Variants in ABAT observed in about 807,000 individuals in gnomAD.
ABAT encodes 4-aminobutyrate aminotransferase.
Under a neutral mutation model 64.6 loss-of-function variants are expected in ABAT, and 45 were observed. That is an observed-to-expected ratio of 0.70 (90% CI 0.55 to 0.89). The LOEUF (loss-of-function observed/expected upper bound fraction) is 0.89, where lower values mean the gene tolerates loss of function less well. Among genes scored for constraint, ABAT ranks in the 40% least tolerant of loss-of-function variants. The pLI is 0.00. For missense variants in ABAT, 633 were observed against 658.4 expected (o/e 0.96, Z 0.42); for synonymous variants, 297 against 250.5 (o/e 1.19, Z -1.75).
At chr16:8,725,915 A>G (rs7196287) in intron 1 of ABAT, among the ~76,000 whole-genome samples, 4,862 of 152,036 alleles carry the variant, frequency 0.032, 123 homozygotes, top group African/African-American at 0.072. Flanking sequence ...GCCCTCCAAC[A>G]CACCTGCCTC....
rs1567295596 is a variant in ABAT, at chr16:8,737,980, G to A, written c.70+2171G>A. 4.5e-4 allele frequency among the ~76,000 whole-genome samples: 35 copies of A among 77,714 alleles called. 1 individual carries two copies. The highest frequency in any genetic ancestry group is 1.1e-3 in the South Asian group (2 of 1,780). The allele number at this position is 77,714 out of a possible 152,430, so 51.0% of individuals were successfully genotyped here. ...AGGAAGGAAGGAAGGAAGGAAGGAA[G>A]GAAGGAAGGAGGAAAGAAAGAAAGA... On this transcript the variant is annotated intron_variant, in intron 2 of 15. Coordinates refer to ENST00000268251, the MANE Select transcript of ABAT (RefSeq NM_020686.6).
chr16:8,757,479 C>T (rs759708818), intron 5 of ABAT, among the ~76,000 whole-genome samples: 1 of 152,000 alleles, frequency 6.6e-6, no homozygotes, highest in Admixed American at 6.6e-5. Flanking sequence ...ATTTATCTCA[C>T]CTTATGTTTA....
At chr16:8,769,650 C>T (rs2060047559) in intron 11 of ABAT, among the ~76,000 whole-genome samples, 1 of 151,414 alleles carries the variant, frequency 6.6e-6, no homozygotes, top group Non-Finnish European at 1.5e-5. Context: ...CTCTAAACCA[C>T]TGGTTTTGTC....
intron 1 of ABAT, among the ~76,000 whole-genome samples, chr16:8,687,929 C>CAAGAG (rs2057493968): frequency 6.6e-6 from 1 of 151,738 alleles, no homozygotes; most frequent in Non-Finnish European, 1.5e-5. Flanking sequence ...ACAGGGGTCT[C>CAAGAG]ACTCTGTTGC....
intron 1 of ABAT, among the ~76,000 whole-genome samples, chr16:8,687,794 C>G (rs2057490209): frequency 6.6e-6 from 1 of 152,198 alleles, no homozygotes; most frequent in Admixed American, 6.5e-5. Flanking sequence ...GATTTCTGTC[C>G]AGGCCTCAGT....
chr16:8,708,607 AT>A (rs1309253377), intron 1 of ABAT, among the ~76,000 whole-genome samples: 1 of 152,140 alleles, frequency 6.6e-6, no homozygotes, highest in Non-Finnish European at 1.5e-5. Flanking sequence ...GGCCAATCAA[AT>A]TCTTTAAAAT....
chr16:8,688,971 T>A (rs1807439), intron 1 of ABAT, among the ~76,000 whole-genome samples: 48,324 of 151,714 alleles, frequency 0.32, 8,095 homozygotes, highest in East Asian at 0.62. Flanking sequence ...TCCCAGCTAC[T>A]TGGGAGGCTG....
At chr16:8,747,405 T>C (rs757175463) in intron 3 of ABAT, among the ~76,000 whole-genome samples, 2 of 152,210 alleles carry the variant, frequency 1.3e-5, no homozygotes, top group Non-Finnish European at 2.9e-5. Flanking sequence ...ATTGTAGTTA[T>C]TTTGGATAGT....
intron 1 of ABAT, among the ~76,000 whole-genome samples, chr16:8,689,079 C>CA (rs35850996): frequency 0.055 from 4,733 of 85,720 alleles, 169 homozygotes; most frequent in African/African-American, 0.14. Flanking sequence ...GACCCTGTCT[C>CA]AAAAAAAAAA....
At chr16:8,704,725 T>C (rs2057901079) in intron 1 of ABAT, among the ~76,000 whole-genome samples, 1 of 152,216 alleles carries the variant, frequency 6.6e-6, no homozygotes, top group African/African-American at 2.4e-5. Flanking sequence ...CACTTCCCTG[T>C]CTTTTTACAC....
At chr16:8,723,536 G>T (rs147876000) in intron 1 of ABAT, among the ~76,000 whole-genome samples, 2 of 152,246 alleles carry the variant, frequency 1.3e-5, no homozygotes, top group African/African-American at 4.8e-5. Flanking sequence ...AGGGATCTCA[G>T]ACCATAGGGC....
chr16:8,766,166 C>G (rs2059937203), intron 8 of ABAT, 42 bp from the exon 9 acceptor site: 3 of 1,600,546 alleles, frequency 1.9e-6, no homozygotes, highest in Admixed American at 1.7e-5. Flanking sequence ...CCCCGACTAC[C>G]CCAGAGCATC....
rs187581750 is a variant in ABAT, at chr16:8,772,042, G to A, written c.817-738G>A. On this transcript the variant is annotated intron_variant, in intron 11 of 15. Transcript: ENST00000268251. ...AGCCACCCAAAGTGCTGGGATTGCA[G>A]GTGTGAGCCACCACACCTGGCCCTT... 1.1e-3 allele frequency among the ~76,000 whole-genome samples: 163 copies of A among 152,286 alleles called. 1 individual carries two copies. The highest frequency in any genetic ancestry group is 3.4e-3 in the Middle Eastern group (1 of 294).
chr16:8,675,837 C>T (rs758371350), intron 1 of ABAT, among the ~76,000 whole-genome samples: 5 of 152,202 alleles, frequency 3.3e-5, no homozygotes, highest in Non-Finnish European at 7.3e-5. Context: ...GGGAGGACAG[C>T]TGGCCCTCTT....
intron 3 of ABAT, among the ~76,000 whole-genome samples, chr16:8,747,663 T>C (rs966433949): frequency 2.0e-5 from 3 of 152,220 alleles, no homozygotes; most frequent in Admixed American, 6.5e-5. Context: ...TGTTTCTGTA[T>C]AGGATAAAGT....
Position 8,686,133 on chromosome 16 carries a change from G to A in ABAT, c.-42+11422G>A, listed in dbSNP as rs975490278. ...GGCAGGACAGGGCTGTTTTGTGCAC[G>A]GGAACAAAGCCTGCCTCCTCTCTCT... On this transcript the variant is annotated intron_variant, in intron 1 of 15. Transcript: ENST00000268251. 3.8e-4 allele frequency among the ~76,000 whole-genome samples: 58 copies of A among 152,338 alleles called. 1 individual carries two copies. Among genetic ancestry groups the A allele is most frequent in the Admixed American group, 3.2e-3 (49 of 15,304 alleles).
intron 1 of ABAT, among the ~76,000 whole-genome samples, chr16:8,735,070 G>A (rs2142382445): frequency 6.7e-6 from 1 of 149,638 alleles, no homozygotes; most frequent in East Asian, 2.0e-4. Context: ...ACTGGGCATG[G>A]TAGCACATGC....
chr16:8,729,028 C>CGG (rs2058640025), intron 1 of ABAT, among the ~76,000 whole-genome samples: 1 of 152,040 alleles, frequency 6.6e-6, no homozygotes, highest in Non-Finnish European at 1.5e-5. Flanking sequence ...AGCTAGGGGC[C>CGG]GGGCACGGTG....
Position 8,736,335 on chromosome 16 carries a change from C to T in ABAT, c.70+526C>T, listed in dbSNP as rs913431792. On this transcript the variant is annotated intron_variant, in intron 2 of 15. Coordinates refer to ENST00000268251, the MANE Select transcript of ABAT (RefSeq NM_020686.6). ...CTATCCATAAAACTGTCACCATCGC[C>T]ACCTCCTTTCTCTCTCCCATCTCTG... The T allele has an allele frequency of 1.7e-5, 3 of 172,942 alleles. No individual in the cohort carries two copies. The East Asian group carries it at 4.7e-4, about 27-fold the overall frequency. 10.7% of individuals were successfully genotyped at this position (172,942 alleles called of 1,614,324 possible). A position where few individuals can be genotyped will look rare whatever the true frequency, so the allele number is the denominator to read the frequency against.
Sources: allele counts gnomAD v4.1 joint callset (sites outside exome capture counted in the v4.1 genomes callset), GRCh38; gene constraint gnomAD v4.1.1; transcripts MANE v1.5; gene names NCBI Gene and HGNC (gene_info 2026-07-23, HGNC 2026-07-21).